The following GDA variants were observed in gnomAD, a reference collection of about 807,000 sequenced individuals.
GDA encodes the protein guanine deaminase, also known as cytoplasmic PSD-95 interactor.
A neutral mutation model predicts 59.6 loss-of-function variants in GDA; 18 were observed. That is an observed-to-expected ratio of 0.30 (90% CI 0.21 to 0.45). The LOEUF is 0.45. Ranked by LOEUF, GDA falls within the 20% of genes least tolerant of loss-of-function variation. GDA has a pLI of 1.00. For synonymous variants in GDA, 201 were observed against 201.1 expected (o/e 1.00, Z 0.00); for missense variants, 427 against 552.3 (o/e 0.77, Z 2.27).
At chr9:72,138,007 T>C (rs1004914564) in intron 1 of GDA, among the ~76,000 whole-genome samples, 1 of 152,180 alleles carries the variant, frequency 6.6e-6, no homozygotes, top group Non-Finnish European at 1.5e-5. Flanking sequence ...TATCAGAGGC[T>C]GAGACTGCTT....
At chr9:72,135,657 C>T (rs976353523) in intron 1 of GDA, among the ~76,000 whole-genome samples, 4 of 152,102 alleles carry the variant, frequency 2.6e-5, no homozygotes, top group Admixed American at 1.3e-4. Flanking sequence ...TGGCCTGGCG[C>T]GGTGACTCAC....
chr9:72,207,022 G>T (rs998591737), intron 3 of GDA, among the ~76,000 whole-genome samples: 2 of 151,876 alleles, frequency 1.3e-5, no homozygotes, highest in Non-Finnish European at 2.9e-5. Context: ...CATCCAATGT[G>T]CTGACATCAA....
chr9:72,169,552 T>G (rs1226226459), intron 1 of GDA, among the ~76,000 whole-genome samples: 1 of 152,256 alleles, frequency 6.6e-6, no homozygotes, highest in Non-Finnish European at 1.5e-5. Flanking sequence ...GCTTTCTCCA[T>G]GTCCACTCTA....
Position 72,250,523 on chromosome 9 carries a change from C to T in GDA, c.*2181C>T. On this transcript the variant is annotated 3_prime_UTR_variant, in exon 14 of 14. Coordinates refer to ENST00000358399, the MANE Select transcript of GDA (RefSeq NM_004293.5). ...ATTTATATGTACTTTGATCTCTCCACATCACTTATAACTTATGTGTTTTAT... is the reference window on the plus strand; with the variant it reads ...ATTTATATGTACTTTGATCTCTCCATATCACTTATAACTTATGTGTTTTAT... 1.4e-6 allele frequency: 2 copies of T among 1,410,460 alleles called. No homozygotes were observed. The highest frequency in any genetic ancestry group is 9.2e-7 in the Non-Finnish European group (1 of 1,083,952). 87.4% of individuals were successfully genotyped at this position (1,410,460 alleles called of 1,614,324 possible). A position where few individuals can be genotyped will look rare whatever the true frequency, so the allele number is the denominator to read the frequency against.
At chr9:72,209,681 T>C (rs1197166446) in intron 3 of GDA, among the ~76,000 whole-genome samples, 2 of 152,190 alleles carry the variant, frequency 1.3e-5, no homozygotes, top group Non-Finnish European at 2.9e-5. Context: ...ACTGTGATGC[T>C]ATAAGGTGCT....
At chr9:72,201,046 A>ACAT (rs749896771) in intron 2 of GDA, among the ~76,000 whole-genome samples, 4 of 152,068 alleles carry the variant, frequency 2.6e-5, no homozygotes, top group African/African-American at 7.2e-5. Context: ...TGTGAACATT[A>ACAT]CATCATCATC....
chr9:72,159,892 C>A (rs996242754), intron 1 of GDA, among the ~76,000 whole-genome samples: 2 of 151,930 alleles, frequency 1.3e-5, no homozygotes, highest in Non-Finnish European at 2.9e-5. Flanking sequence ...TTCTTAATTG[C>A]AGTAAAAAAT....
At chr9:72,154,248 T>A (rs544296787) in intron 1 of GDA, among the ~76,000 whole-genome samples, 2 of 152,308 alleles carry the variant, frequency 1.3e-5, no homozygotes, top group East Asian at 3.9e-4. Context: ...CACTTACCTG[T>A]GCTGAGACCA....
rs71493640 is a variant in GDA at position 72,189,166 on chromosome 9, CTTTTTTTTTTT to C, written c.124-6314_124-6304del. Among the ~76,000 whole-genome samples, 52 of 54,938 alleles carry C rather than the reference CTTTTTTTTTTT, an allele frequency of 9.5e-4. 1 individual carries two copies. The highest frequency in any genetic ancestry group is 6.0e-4 in the Non-Finnish European group (18 of 30,018). The allele number at this position is 54,938 out of a possible 152,430, so 36.0% of individuals were successfully genotyped here. A position where few individuals can be genotyped will look rare whatever the true frequency, so the allele number is the denominator to read the frequency against. ...CATCTGATACAGAGGAGACTCTAGA[CTTTTTTTTTTT>C]TTTTTTTTTTTTTTTTTTTGGAGAC... On this transcript the variant is annotated intron_variant, in intron 1 of 13. Transcript: ENST00000358399.
At position 72,251,460 on chromosome 9, in the gene GDA, T is replaced by C. The variant is rs1229848932; in HGVS notation, c.*3118T>C. On this transcript the variant is annotated 3_prime_UTR_variant, in exon 14 of 14. Coordinates refer to ENST00000358399, the MANE Select transcript of GDA (RefSeq NM_004293.5). The stretch of plus-strand genomic sequence containing the variant: ...ACGTAGGAGAGATCCAAAATTTGGA[T>C]GCTTCTGGAGACTCTTAGACATCTT... 1 of 152,170 alleles carries C rather than the reference T, an allele frequency of 6.6e-6. No individual in the cohort carries two copies. Among genetic ancestry groups the C allele is most frequent in the Non-Finnish European group, 1.5e-5 (1 of 68,026 alleles). The allele number at this position is 152,170 out of a possible 1,614,324, so 9.4% of individuals were successfully genotyped here. A position where few individuals can be genotyped will look rare whatever the true frequency, so the allele number is the denominator to read the frequency against.
At position 72,133,107 on chromosome 9, in the gene GDA, C is replaced by T. The variant is rs144436898; in HGVS notation, c.-100+18274C>T. ...AGATCAAGACCATCCCGGCCAACAT[C>T]GTGAAACTCTGTCTCTACTAAAATA... On this transcript the variant is annotated intron_variant, in intron 1 of 13. Coordinates refer to the GDA transcript ENST00000545168. 5.2e-4 allele frequency among the ~76,000 whole-genome samples: 79 copies of T among 151,446 alleles called. 5 individuals are homozygous for T. In the East Asian group the frequency reaches 0.015, roughly 28 times the overall value.
chr9:72,231,975 T>C (rs1486091253), intron 10 of GDA, among the ~76,000 whole-genome samples: 1 of 152,224 alleles, frequency 6.6e-6, no homozygotes, highest in Non-Finnish European at 1.5e-5. Flanking sequence ...GGCTGAGGGA[T>C]GTTCTAAGTG....
At chr9:72,189,384 A>G (rs1208171854) in intron 1 of GDA, among the ~76,000 whole-genome samples, 2 of 151,312 alleles carry the variant, frequency 1.3e-5, no homozygotes, top group Non-Finnish European at 2.9e-5. Flanking sequence ...GGGTCTTGCT[A>G]TGCTACTGGT....
At chr9:72,230,744 A>G (rs1232896323) in intron 9 of GDA, among the ~76,000 whole-genome samples, 2 of 152,144 alleles carry the variant, frequency 1.3e-5, no homozygotes, top group South Asian at 2.1e-4. Flanking sequence ...AATGCTTTAT[A>G]ATTTCTGCTT....
At chr9:72,186,310 G>A (rs1831854439) in intron 1 of GDA, among the ~76,000 whole-genome samples, 1 of 152,062 alleles carries the variant, frequency 6.6e-6, no homozygotes, top group Non-Finnish European at 1.5e-5. Flanking sequence ...TCCTTGTACT[G>A]TATCCCCACT....
At chr9:72,154,372 T>C (rs549296759) in intron 1 of GDA, among the ~76,000 whole-genome samples, 6 of 152,362 alleles carry the variant, frequency 3.9e-5, no homozygotes, top group Non-Finnish European at 8.8e-5. Flanking sequence ...TAGTGGATAC[T>C]TAACATGTAC....
At chr9:72,225,442 C>T (rs1837431946) in intron 7 of GDA, among the ~76,000 whole-genome samples, 1 of 151,920 alleles carries the variant, frequency 6.6e-6, no homozygotes, top group African/African-American at 2.4e-5. Context: ...CCCACACCCA[C>T]ATCCACACAC....
chr9:72,171,115 T>C (rs902954842), intron 1 of GDA, among the ~76,000 whole-genome samples: 3 of 152,148 alleles, frequency 2.0e-5, no homozygotes, highest in Non-Finnish European at 4.4e-5. Context: ...CCATCCACCG[T>C]GCTCTGGGTC....
At chr9:72,122,794 A>G (rs1048037563) in intron 1 of GDA, among the ~76,000 whole-genome samples, 1 of 152,056 alleles carries the variant, frequency 6.6e-6, no homozygotes, top group African/African-American at 2.4e-5. Flanking sequence ...AAGATTATCC[A>G]GCCTTTCTAT....
Sources: gnomAD v4.1 joint callset for allele counts (sites outside exome capture counted in the v4.1 genomes callset) on GRCh38, gnomAD v4.1.1 for gene constraint, MANE v1.5 for transcripts, NCBI Gene and HGNC (gene_info 2026-07-23, HGNC 2026-07-21) for gene names.